Variants in CACNA2D3 observed in about 807,000 individuals in gnomAD.
CACNA2D3 encodes the protein voltage-dependent calcium channel subunit alpha-2/delta-3.
In CACNA2D3, 60 loss-of-function variants were observed where a neutral mutation model predicts 160.6. The observed-to-expected ratio is 0.37, with a 90% CI of 0.30 to 0.46. CACNA2D3 has a LOEUF of 0.46. Among genes scored for constraint, CACNA2D3 ranks in the 20% least tolerant of loss-of-function variants. The probability of loss-of-function intolerance (pLI) is 1.00; values close to 1 mark genes in which losing one functional copy is unlikely to be tolerated. For synonymous variants in CACNA2D3, 558 were observed against 492.9 expected (o/e 1.13, Z -1.75); for missense variants, 1,205 against 1,365.0 (o/e 0.88, Z 1.85).
At chr3:54,581,376 G>A (rs776440377) in intron 8 of CACNA2D3, among the ~76,000 whole-genome samples, 1 of 152,206 alleles carries the variant, frequency 6.6e-6, no homozygotes, top group Non-Finnish European at 1.5e-5. Flanking sequence ...GTCCCCACTT[G>A]TGTAAGCCAC....
At chr3:54,575,872 C>T (rs1423417623) in intron 8 of CACNA2D3, among the ~76,000 whole-genome samples, 3 of 152,092 alleles carry the variant, frequency 2.0e-5, no homozygotes, top group Admixed American at 2.0e-4. Context: ...TGTAAGATCC[C>T]CCTACCCCAG....
At chr3:54,969,980 C>A (rs1702234482) in intron 29 of CACNA2D3, 136 bp downstream of exon 29, 6 of 568,302 alleles carry the variant, frequency 1.1e-5, no homozygotes, top group Non-Finnish European at 1.5e-5. Context: ...AAAAAAAAAT[C>A]ATTTGCTTTA....
chr3:54,862,298 C>G (rs1166202791), intron 17 of CACNA2D3, among the ~76,000 whole-genome samples: 1 of 152,084 alleles, frequency 6.6e-6, no homozygotes, highest in East Asian at 1.9e-4. Context: ...TTTCTTCCTT[C>G]ATAAGTATCT....
At chr3:54,644,074 G>C (rs1416085215) in intron 11 of CACNA2D3, among the ~76,000 whole-genome samples, 1 of 152,098 alleles carries the variant, frequency 6.6e-6, no homozygotes, top group Non-Finnish European at 1.5e-5. Context: ...TCAATGAATA[G>C]CATTTACCCA....
intron 31 of CACNA2D3, among the ~76,000 whole-genome samples, chr3:55,003,057 A>T (rs919380025): frequency 1.4e-4 from 22 of 152,124 alleles, no homozygotes; most frequent in African/African-American, 5.1e-4. Context: ...TGTGAAACAG[A>T]GCCAACACCA....
intron 3 of CACNA2D3, among the ~76,000 whole-genome samples, chr3:54,361,406 A>C (rs2107541544): frequency 6.6e-6 from 1 of 152,300 alleles, no homozygotes; most frequent in South Asian, 2.1e-4. Flanking sequence ...GAAGTATCTA[A>C]GAATGACGAA....
chr3:54,593,699 A>G (rs979196795), intron 9 of CACNA2D3, among the ~76,000 whole-genome samples: 5 of 152,182 alleles, frequency 3.3e-5, no homozygotes, highest in Admixed American at 3.3e-4. Context: ...ATTTCCAGGT[A>G]TGTTTCTCCC....
intron 9 of CACNA2D3, among the ~76,000 whole-genome samples, chr3:54,594,797 C>T (rs919019031): frequency 2.6e-5 from 4 of 152,182 alleles, no homozygotes; most frequent in African/African-American, 4.8e-5. Context: ...CCAACTTTTA[C>T]ACCTGGGGTC....
chr3:54,456,600 G>C (rs966942331), intron 4 of CACNA2D3, among the ~76,000 whole-genome samples: 2 of 151,866 alleles, frequency 1.3e-5, no homozygotes, highest in Non-Finnish European at 2.9e-5. Context: ...GTCTGGTATT[G>C]TAACAGGGTA....
intron 4 of CACNA2D3, 83 bp downstream of exon 4, chr3:54,386,857 T>A: frequency 1.6e-6 from 2 of 1,264,406 alleles, no homozygotes; most frequent in Non-Finnish European, 2.2e-6. Flanking sequence ...AATACTGATT[T>A]TTCAGTGATT....
Position 54,440,949 on chromosome 3 carries a change from G to A in CACNA2D3, c.381+54175G>A, listed in dbSNP as rs1157945771. ...GTGAATAGTGCCACCGTAAACATAC[G>A]TGTGCATGTGTCTTTATAGCAGCAT... On this transcript the variant is annotated intron_variant, in intron 4 of 37. Transcript: ENST00000474759. Among the ~76,000 whole-genome samples, 9 of 152,158 alleles carry A rather than the reference G, an allele frequency of 5.9e-5. 1 individual carries two copies. Among genetic ancestry groups the A allele is most frequent in the South Asian group, 4.2e-4 (2 of 4,816 alleles).
chr3:55,052,001 G>C (rs919684415), intron 35 of CACNA2D3, among the ~76,000 whole-genome samples: 7 of 152,150 alleles, frequency 4.6e-5, no homozygotes, highest in East Asian at 1.9e-4. Flanking sequence ...TGCGCCCACT[G>C]TCTGGCACTC....
At chr3:54,560,679 G>A (rs1216082750) in intron 5 of CACNA2D3, among the ~76,000 whole-genome samples, 6 of 152,068 alleles carry the variant, frequency 3.9e-5, no homozygotes, top group Non-Finnish European at 7.4e-5. Flanking sequence ...GTATTGTCTA[G>A]GTTGTATTCC....
At chr3:54,899,091 T>C (rs948331156) in intron 26 of CACNA2D3, among the ~76,000 whole-genome samples, 3 of 152,266 alleles carry the variant, frequency 2.0e-5, no homozygotes, top group Admixed American at 6.5e-5. Flanking sequence ...CTCACTTTCA[T>C]TGAGCACCTT....
At chr3:54,312,810 T>C (rs780496115) in intron 2 of CACNA2D3, among the ~76,000 whole-genome samples, 4 of 152,146 alleles carry the variant, frequency 2.6e-5, no homozygotes, top group Non-Finnish European at 4.4e-5. Context: ...CTTTCTTCCA[T>C]GTCACAAATG....
chr3:54,616,051 CCT>C (rs1259653176), intron 9 of CACNA2D3, among the ~76,000 whole-genome samples: 4 of 152,186 alleles, frequency 2.6e-5, no homozygotes, highest in East Asian at 3.8e-4. Context: ...TCCCCATACC[CCT>C]GTCCTTGGAC....
intron 9 of CACNA2D3, among the ~76,000 whole-genome samples, chr3:54,598,838 A>T: frequency 6.6e-6 from 1 of 152,188 alleles, no homozygotes; most frequent in East Asian, 1.9e-4. Context: ...GTCTCTGAGT[A>T]AAATGCGGTG....
At chr3:54,622,964 A>AAGGGGAGGAGGGGCAT (rs1699022026) in intron 9 of CACNA2D3, among the ~76,000 whole-genome samples, 1 of 152,156 alleles carries the variant, frequency 6.6e-6, no homozygotes, top group Admixed American at 6.5e-5. Flanking sequence ...TGTGATTAAG[A>AAGGGGAGGAGGGGCAT]AGGGGAGGAG....
At position 54,515,197 on chromosome 3, in the gene CACNA2D3, T is replaced by TGAGA. The variant is rs1406976766; in HGVS notation, c.544+11544_544+11545insAGAG. On this transcript the variant is annotated intron_variant, in intron 5 of 37. Transcript: ENST00000474759. ...GTCTGTGTGTGTGTGTGTGTGTGTG[T>TGAGA]GTGAGAGAGAGAGAGAGAGAGAGAA... 5.2e-3 allele frequency among the ~76,000 whole-genome samples: 716 copies of TGAGA among 137,724 alleles called. 3 individuals are homozygous for TGAGA. The highest frequency in any genetic ancestry group is 0.02 in the African/African-American group (650 of 32,716). 90.4% of individuals were successfully genotyped at this position (137,724 alleles called of 152,430 possible).
Sources: gnomAD v4.1 joint callset for allele counts (sites outside exome capture counted in the v4.1 genomes callset) on GRCh38, gnomAD v4.1.1 for gene constraint, MANE v1.5 for transcripts, NCBI Gene and HGNC (gene_info 2026-07-23, HGNC 2026-07-21) for gene names.